Variants in TSHR observed in about 807,000 individuals in gnomAD.
TSHR encodes thyrotropin receptor.
TSHR carries 51 observed loss-of-function variants against 64.1 expected under a neutral mutation model. The observed-to-expected ratio is 0.80, with a 90% CI of 0.64 to 1.01. The LOEUF (loss-of-function observed/expected upper bound fraction) is 1.01. Among genes scored for constraint, TSHR ranks in the 50% least tolerant of loss-of-function variants. The probability of loss-of-function intolerance (pLI) is 0.00; values close to 1 mark genes in which losing one functional copy is unlikely to be tolerated. For missense variants in TSHR, 877 were observed against 942.8 expected (o/e 0.93, Z 0.91); for synonymous variants, 361 against 361.9 (o/e 1.00, Z 0.03).
chr14:81,047,848 G>A lies in TSHR; in HGVS notation c.171-14300G>A, dbSNP rs188858136. The stretch of plus-strand genomic sequence containing the variant: ...TTTTTAGTTGAGACCGGGTTTCACC[G>A]TGTTAGCCAGGATGGTCTCGATCTC... On this transcript the variant is annotated intron_variant, in intron 1 of 9. Transcript: ENST00000298171. Among the ~76,000 whole-genome samples, 836 of 151,944 alleles carry A rather than the reference G, an allele frequency of 5.5e-3. 10 individuals carry two copies. Among genetic ancestry groups the A allele is most frequent in the Middle Eastern group, 0.031 (9 of 294 alleles).
chr14:81,086,272 G>T (rs570811186), intron 3 of TSHR, among the ~76,000 whole-genome samples: 1 of 151,840 alleles, frequency 6.6e-6, no homozygotes, highest in East Asian at 1.9e-4. Flanking sequence ...ACCAGTAAGG[G>T]TATATTATTA....
intron 8 of TSHR, among the ~76,000 whole-genome samples, chr14:81,125,774 G>A (rs373490743): frequency 3.9e-5 from 6 of 152,048 alleles, no homozygotes; most frequent in East Asian, 1.9e-4. Context: ...ACAAACTGCC[G>A]TCTTGCACAC....
At chr14:81,058,688 G>T (rs1404208353) in intron 1 of TSHR, among the ~76,000 whole-genome samples, 2 of 152,166 alleles carry the variant, frequency 1.3e-5, no homozygotes, top group Non-Finnish European at 2.9e-5. Flanking sequence ...GGACAAAAGT[G>T]AAGCACTTTG....
intron 1 of TSHR, among the ~76,000 whole-genome samples, chr14:80,966,037 A>C (rs1887282701): frequency 6.6e-6 from 1 of 152,226 alleles, no homozygotes; most frequent in Admixed American, 6.5e-5. Flanking sequence ...AGAAAACATG[A>C]TCTCTGTATT....
At chr14:81,032,773 T>A in intron 1 of TSHR, 1 of 422,652 alleles carries the variant, frequency 2.4e-6, no homozygotes, top group Non-Finnish European at 4.6e-6. Flanking sequence ...TTGGTGGAAG[T>A]TGATACATGG....
At chr14:80,982,812 G>T in intron 1 of TSHR, 2 of 532,536 alleles carry the variant, frequency 3.8e-6, no homozygotes, top group Middle Eastern at 3.0e-4. Context: ...CATGCTCACA[G>T]CCCATCCCTG....
chr14:81,029,930 T>C (rs1015932870), intron 1 of TSHR, among the ~76,000 whole-genome samples: 11 of 152,216 alleles, frequency 7.2e-5, no homozygotes, highest in Non-Finnish European at 1.5e-4. Flanking sequence ...TACTTAACAC[T>C]GCACTTTGGA....
chr14:81,044,863 C>A (rs1332007757), intron 1 of TSHR, among the ~76,000 whole-genome samples: 2 of 152,056 alleles, frequency 1.3e-5, no homozygotes, highest in African/African-American at 4.8e-5. Context: ...AATGTAGAGG[C>A]AGAAACACTA....
chr14:81,130,474 A>G (rs1007885286), intron 8 of TSHR, among the ~76,000 whole-genome samples: 1 of 151,902 alleles, frequency 6.6e-6, no homozygotes, highest in African/African-American at 2.4e-5. Context: ...TTTTCTCCAT[A>G]CCTCTGATTG....
intron 3 of TSHR, chr14:81,087,420 G>A (rs139448649): frequency 2.9e-4 from 52 of 177,550 alleles, no homozygotes; most frequent in African/African-American, 1.1e-3. Flanking sequence ...AAGTGTCTTC[G>A]ATTGCTGACA....
At chr14:81,035,996 A>C (rs774944725) in intron 1 of TSHR, among the ~76,000 whole-genome samples, 1 of 152,198 alleles carries the variant, frequency 6.6e-6, no homozygotes, top group Non-Finnish European at 1.5e-5. Flanking sequence ...GAAGACAAAA[A>C]TTTGTGAACT....
Position 81,143,717 on chromosome 14 carries a change from C to A in TSHR, c.1659C>A (p.Ala553=). 6.2e-7 allele frequency: 1 copy of A among 1,614,190 alleles called. No individual in the cohort carries two copies. Among genetic ancestry groups the A allele is most frequent in the East Asian group, 2.2e-5 (1 of 44,882 alleles). ...GCTGGGTTTGCTGCTTCCTTCTCGCCCTGCTTCCTTTGGTGGGAATAAGTA... is the reference window on the plus strand; with the variant it reads ...GCTGGGTTTGCTGCTTCCTTCTCGCACTGCTTCCTTTGGTGGGAATAAGTA... The part of the protein sequence containing the change: ...VGGWVCCFLL[A]LLPLVGISSY... Residue 553 remains alanine (A), a synonymous_variant, in exon 10 of 10, where the codon GCC becomes GCA. Coordinates refer to ENST00000298171, the MANE Select transcript of TSHR (RefSeq NM_000369.5).
intron 1 of TSHR, chr14:80,982,619 A>G (rs1888231797): frequency 1.0e-6 from 1 of 1,002,338 alleles, no homozygotes; most frequent in Non-Finnish European, 1.4e-6. Flanking sequence ...AAAAAAAAAT[A>G]GGCCCAAGGA....
chr14:81,085,854 AAG>A (rs1437043446), intron 3 of TSHR, among the ~76,000 whole-genome samples: 1 of 152,138 alleles, frequency 6.6e-6, no homozygotes, highest in Non-Finnish European at 1.5e-5. Flanking sequence ...TCACCCTGGA[AAG>A]AGAGAACCAC....
In TSHR at chr14:81,103,060, A is replaced by T; in HGVS notation, c.615-5315A>T. On this transcript the variant is annotated intron_variant, in intron 7 of 9. Transcript: ENST00000298171. This position sits in a 1 kb window ranked among gnomAD's most constrained non-coding sequence, Gnocchi z 4.1. The stretch of plus-strand genomic sequence containing the variant: ...CTTTCCTAGATTTAAGCACTTCAGT[A>T]AAAGGTATCATGTAAATCCAGTGTA... 1.0e-6 allele frequency: 1 copy of T among 985,442 alleles called. No homozygotes were observed. Among genetic ancestry groups the T allele is most frequent in the Non-Finnish European group, 1.2e-6 (1 of 829,918 alleles). The allele number at this position is 985,442 out of a possible 1,614,324, so 61.0% of individuals were successfully genotyped here. A position where few individuals can be genotyped will look rare whatever the true frequency, so the allele number is the denominator to read the frequency against.
intron 1 of TSHR, among the ~76,000 whole-genome samples, chr14:80,968,584 C>G (rs1266855513): frequency 6.6e-6 from 1 of 152,172 alleles, no homozygotes; most frequent in Non-Finnish European, 1.5e-5. Context: ...CCTTGCCCAG[C>G]ACTCTGACTG....
At chr14:80,989,458 ATAACT>A (rs1444378425) in intron 1 of TSHR, among the ~76,000 whole-genome samples, 1 of 152,166 alleles carries the variant, frequency 6.6e-6, no homozygotes, top group African/African-American at 2.4e-5. Flanking sequence ...TTTAATTTAG[ATAACT>A]TAATTTACGC....
chr14:81,044,649 C>T (rs1374936826), intron 1 of TSHR, among the ~76,000 whole-genome samples: 9 of 120,622 alleles, frequency 7.5e-5, no homozygotes, highest in Admixed American at 6.8e-4. Flanking sequence ...CAGAGCAAGA[C>T]TCTGTCTCAA....
chr14:81,098,155 C>T (rs572021886), intron 7 of TSHR, among the ~76,000 whole-genome samples: 1 of 152,354 alleles, frequency 6.6e-6, no homozygotes, highest in South Asian at 2.1e-4. Context: ...CCTGCCCACA[C>T]TGAGCGTACA....
Sources: gnomAD v4.1 joint callset for allele counts (sites outside exome capture counted in the v4.1 genomes callset) on GRCh38, gnomAD v4.1.1 for gene constraint, Gnocchi (gnomAD v3.1) non-coding constraint, MANE v1.5 for transcripts, NCBI Gene and HGNC (gene_info 2026-07-23, HGNC 2026-07-21) for gene names.